Variants in CLHC1 observed in about 807,000 individuals in gnomAD.
CLHC1 encodes clathrin heavy chain linker domain containing 1.
CLHC1 carries 72 observed loss-of-function variants against 69.5 expected under a neutral mutation model. The ratio of observed to expected loss-of-function variants is 1.04; its 90% confidence interval spans 0.86 to 1.26. The LOEUF (loss-of-function observed/expected upper bound fraction) is 1.26, where lower values mean the gene tolerates loss of function less well. Ranked by LOEUF, CLHC1 falls within the 50% of genes most tolerant of loss-of-function variation. The probability of loss-of-function intolerance (pLI) is 0.00; values close to 1 mark genes in which losing one functional copy is unlikely to be tolerated. For missense variants in CLHC1, 790 were observed against 679.3 expected, an observed-to-expected ratio of 1.16 and a Z score of -1.81; for synonymous variants, 223 against 224.3, an observed-to-expected ratio of 0.99 and a Z score of 0.05.
intron 9 of CLHC1, among the ~76,000 whole-genome samples, chr2:55,199,535 A>G (rs1238208978): frequency 6.6e-6 from 1 of 152,148 alleles, no homozygotes; most frequent in Non-Finnish European, 1.5e-5. Context: ...CAAGACATTG[A>G]CAGTACAATA....
At chr2:55,226,929 G>A (rs998599992) in intron 2 of CLHC1, among the ~76,000 whole-genome samples, 2 of 152,200 alleles carry the variant, frequency 1.3e-5, no homozygotes, top group African/African-American at 4.8e-5. Flanking sequence ...CACTGCACCT[G>A]GCTGCTATTT....
intron 2 of CLHC1, among the ~76,000 whole-genome samples, chr2:55,222,866 G>A (rs918109286): frequency 5.6e-5 from 8 of 143,436 alleles, no homozygotes; most frequent in Non-Finnish European, 8.9e-5. Flanking sequence ...GTTGCGGTGA[G>A]CCGAGATCGC....
chr2:55,204,848 C>G (rs1364489478), intron 9 of CLHC1, among the ~76,000 whole-genome samples: 2 of 152,144 alleles, frequency 1.3e-5, no homozygotes, highest in Admixed American at 1.3e-4. Context: ...ACAAACTTCA[C>G]ATGTTCTCAC....
At chr2:55,208,747 G>A (rs1277368614) in intron 7 of CLHC1, 37 bp from the exon 8 acceptor site, 1 of 1,379,158 alleles carries the variant, frequency 7.3e-7, no homozygotes, top group Non-Finnish European at 1.0e-6. Flanking sequence ...AGATATTTAA[G>A]GTTACTTACC....
intron 9 of CLHC1, among the ~76,000 whole-genome samples, chr2:55,200,592 A>G (rs1214004183): frequency 1.3e-5 from 2 of 152,196 alleles, no homozygotes; most frequent in Non-Finnish European, 2.9e-5. Flanking sequence ...GGAGAATTCA[A>G]CACCCTCACT....
intron 9 of CLHC1, among the ~76,000 whole-genome samples, chr2:55,186,317 T>C (rs1670408054): frequency 6.6e-6 from 1 of 152,084 alleles, no homozygotes; most frequent in Non-Finnish European, 1.5e-5. Flanking sequence ...ATTATCAATG[T>C]AAAAAGCTTA....
intron 5 of CLHC1, among the ~76,000 whole-genome samples, chr2:55,211,627 T>C (rs1309690306): frequency 6.6e-6 from 1 of 152,122 alleles, no homozygotes; most frequent in African/African-American, 2.4e-5. Flanking sequence ...CACAGCTTCT[T>C]CCACCAAGAC....
At chr2:55,223,005 T>G (rs965880906) in intron 2 of CLHC1, among the ~76,000 whole-genome samples, 2 of 149,864 alleles carry the variant, frequency 1.3e-5, no homozygotes, top group Non-Finnish European at 2.9e-5. Flanking sequence ...CACCAGTCAA[T>G]GAAGAGCTCT....
rs1365942381 is a variant in CLHC1 at position 55,180,848 on chromosome 2, C to CAATT, written c.1182-140_1182-137dup. Reference sequence around the variant, plus strand: ...GAATTCCAAGTTACAATTTAATAGGCAATTGATTATGTAATTGAAATGATT... The same window carrying CAATT: ...GAATTCCAAGTTACAATTTAATAGGCAATTAATTGATTATGTAATTGAAATGATT... On this transcript the variant is annotated intron_variant, in intron 10 of 12. Coordinates refer to ENST00000401408, the MANE Select transcript of CLHC1 (RefSeq NM_152385.4). 7.9e-6 allele frequency: 5 copies of CAATT among 632,756 alleles called. No homozygotes were observed. In the East Asian group the frequency reaches 1.4e-4, roughly 17 times the overall value. The allele number at this position is 632,756 out of a possible 1,614,324, so 39.2% of individuals were successfully genotyped here.
upstream of CLHC1, chr2:55,232,362 CA>C: frequency 3.7e-6 from 1 of 272,558 alleles, no homozygotes; most frequent in Admixed American, 4.9e-5. Flanking sequence ...CTACAGTTCC[CA>C]GAATGCACTT....
At chr2:55,188,995 G>A (rs1425561938) in intron 9 of CLHC1, among the ~76,000 whole-genome samples, 1 of 152,028 alleles carries the variant, frequency 6.6e-6, no homozygotes, top group African/African-American at 2.4e-5. Flanking sequence ...TAAGACACAA[G>A]TGAATATTTA....
chr2:55,213,715 C>T (rs1673222799), intron 4 of CLHC1, among the ~76,000 whole-genome samples: 1 of 152,134 alleles, frequency 6.6e-6, no homozygotes, highest in South Asian at 2.1e-4. Flanking sequence ...GGAGAAATAA[C>T]ATATTAAAAT....
chr2:55,232,456 C>G (rs1675510546), upstream of CLHC1: 2 of 338,564 alleles, frequency 5.9e-6, no homozygotes, highest in Admixed American at 8.1e-5. Context: ...ACGGGAAAAG[C>G]CTTTTTAAAA....
At chr2:55,213,536 C>G (rs909513605) in intron 4 of CLHC1, among the ~76,000 whole-genome samples, 1 of 152,112 alleles carries the variant, frequency 6.6e-6, no homozygotes, top group South Asian at 2.1e-4. Context: ...CTTTGAAAAA[C>G]TTTATTGAGC....
At chr2:55,232,425 T>G (rs2104206965), upstream of CLHC1, 2 of 285,570 alleles carry the variant, frequency 7.0e-6, no homozygotes, top group South Asian at 7.1e-5. Context: ...TTTTAAAAAT[T>G]CTCTTAGCCA....
intron 1 of CLHC1, among the ~76,000 whole-genome samples, chr2:55,229,059 G>A (rs1230417915): frequency 6.8e-6 from 1 of 147,170 alleles, no homozygotes; most frequent in African/African-American, 2.5e-5. Flanking sequence ...GCTGAGGTAT[G>A]AGAATCATTT....
At chr2:55,226,909 A>C (rs1674762395) in intron 2 of CLHC1, among the ~76,000 whole-genome samples, 1 of 152,266 alleles carries the variant, frequency 6.6e-6, no homozygotes, top group South Asian at 2.1e-4. Context: ...CTGGGATTAC[A>C]GGCATGAGCC....
chr2:55,178,805 A>T (rs1481314198), intron 11 of CLHC1, among the ~76,000 whole-genome samples: 1 of 152,118 alleles, frequency 6.6e-6, no homozygotes, highest in Non-Finnish European at 1.5e-5. Context: ...TGGGTTTTTA[A>T]AATGTATTTA....
At chr2:55,186,736 C>A (rs1195596502) in intron 9 of CLHC1, among the ~76,000 whole-genome samples, 1 of 152,090 alleles carries the variant, frequency 6.6e-6, no homozygotes, top group African/African-American at 2.4e-5. Flanking sequence ...GGTCACACCA[C>A]TGCACTCCCA....
Sources: allele counts gnomAD v4.1 joint callset (sites outside exome capture counted in the v4.1 genomes callset), GRCh38; gene constraint gnomAD v4.1.1; transcripts MANE v1.5; gene names NCBI Gene and HGNC (gene_info 2026-07-23, HGNC 2026-07-21).